Variants in COL18A1 observed in about 807,000 individuals in gnomAD.
COL18A1 encodes collagen type XVIII alpha 1 chain, also known as collagen alpha-1(XVIII) chain.
COL18A1 carries 133 observed loss-of-function variants against 168.0 expected under a neutral mutation model. That is an observed-to-expected ratio of 0.79 (90% CI 0.69 to 0.91). COL18A1 has a LOEUF of 0.91. Ranked by LOEUF, COL18A1 falls within the 40% of genes least tolerant of loss-of-function variation. COL18A1 has a pLI of 0.00. For synonymous variants in COL18A1, 949 were observed against 809.0 expected (o/e 1.17, Z -2.94); for missense variants, 2,126 against 1,925.4 (o/e 1.10, Z -1.95).
At chr21:45,488,675 G>A (rs77987727) in intron 18 of COL18A1, among the ~76,000 whole-genome samples, 9,237 of 152,100 alleles carry the variant, frequency 0.061, 358 homozygotes, top group South Asian at 0.1. Flanking sequence ...TTCTCTCTCC[G>A]AAGCCCAGGA....
intron 9 of COL18A1, among the ~76,000 whole-genome samples, chr21:45,478,981 C>T (rs2035781648): frequency 6.6e-6 from 1 of 152,244 alleles, no homozygotes; most frequent in Non-Finnish European, 1.5e-5. Context: ...CCTGGCACCC[C>T]ACAGCCAAGC....
intron 9 of COL18A1, among the ~76,000 whole-genome samples, 193 bp from the exon 10 acceptor site, chr21:45,479,709 C>A (rs893899294): frequency 6.6e-6 from 1 of 152,138 alleles, no homozygotes; most frequent in Non-Finnish European, 1.5e-5. Flanking sequence ...TTCCCCCAGG[C>A]GTGGCTGGCG....
chr21:45,474,002 G>T, intron 4 of COL18A1, 21 bp downstream of exon 4: 1 of 1,561,084 alleles, frequency 6.4e-7, no homozygotes, highest in East Asian at 2.4e-5. Flanking sequence ...TCTGGGGCAC[G>T]GGTGGGGTCT....
chr21:45,503,439 T>C (rs970055144), intron 32 of COL18A1, among the ~76,000 whole-genome samples: 1 of 152,120 alleles, frequency 6.6e-6, no homozygotes, highest in Non-Finnish European at 1.5e-5. Context: ...ATATACACCA[T>C]GGAATACTAC....
In COL18A1 at chr21:45,425,583, C is replaced by T. The variant is rs2145771024; in HGVS notation, c.106+20110C>T. On this transcript the variant is annotated intron_variant, in intron 2 of 41. Transcript: ENST00000651438. The surrounding 1 kb of genome is among the most constrained non-coding windows in gnomAD (Gnocchi z 4.1). ...GTGGGCTGCCCTGTGAGGTGTGGAG[C>T]TGGGCTGCAGACTTGCACAAGGTGG... is the stretch of plus-strand genomic sequence containing the variant. Among the ~76,000 whole-genome samples, 1 of 152,304 alleles carries T rather than the reference C, an allele frequency of 6.6e-6. No individual in the cohort carries two copies. The highest frequency in any genetic ancestry group is 1.9e-4 in the East Asian group (1 of 5,172).
intron 2 of COL18A1, chr21:45,455,788 G>T (rs765197743): frequency 1.2e-6 from 2 of 1,613,682 alleles, no homozygotes; most frequent in Non-Finnish European, 1.7e-6. Flanking sequence ...CCTCAGAGCT[G>T]CTGGAAGATG....
At chr21:45,491,132 G>T in intron 21 of COL18A1, 93 bp from the exon 22 acceptor site, 1 of 1,171,256 alleles carries the variant, frequency 8.5e-7, no homozygotes, top group Non-Finnish European at 1.3e-6. Flanking sequence ...ACCCACCGTG[G>T]GCTCTGGGCA....
At chr21:45,456,309 G>C in intron 2 of COL18A1, 2 of 1,553,168 alleles carry the variant, frequency 1.3e-6, no homozygotes, top group Non-Finnish European at 1.7e-6. Flanking sequence ...GTCCGCCTGC[G>C]CACGCCACTT....
rs1033783980 is a variant in COL18A1 at position 45,498,325 on chromosome 21, G to A, written c.2683+664G>A. 56 of 677,512 alleles carry A rather than the reference G, an allele frequency of 8.3e-5. No individual in the cohort carries two copies. The highest frequency in any genetic ancestry group is 4.3e-4 in the South Asian group (27 of 63,218). 42.0% of individuals were successfully genotyped at this position (677,512 alleles called of 1,614,324 possible). A position where few individuals can be genotyped will look rare whatever the true frequency, so the allele number is the denominator to read the frequency against. The stretch of plus-strand genomic sequence containing the variant: ...CCTCTCGCCGCCACGGTCCCCTCTC[G>A]CCGCCAGGGTCCCCTCTCACCGCCA... On this transcript the variant is annotated intron_variant, in intron 32 of 41. Coordinates refer to ENST00000651438, the MANE Select transcript of COL18A1 (RefSeq NM_001379500.1). The surrounding 1 kb of genome is among the most constrained non-coding windows in gnomAD (Gnocchi z 4.5).
chr21:45,405,388 G>T lies in COL18A1; in HGVS notation c.21G>T (p.Trp7Cys). ...TGCCTGTCCCGCGCAGGTGCCCCTG[G>T]CCATGGCCGCGGCGGCGGCGCCTCC... Reference protein sequence around the residue: MAPRCPWPWPRRRRLLD... With the variant: MAPRCPCPWPRRRRLLD... The change falls in exon 2 of 42, where the codon TGG (tryptophan) becomes TGT (cysteine). Residue 7 changes from tryptophan to cysteine, a missense_variant. Coordinates refer to ENST00000651438, the MANE Select transcript of COL18A1 (RefSeq NM_001379500.1). 7.6e-7 allele frequency: 1 copy of T among 1,312,846 alleles called. No individual in the cohort carries two copies. Among genetic ancestry groups the T allele is most frequent in the Non-Finnish European group, 9.7e-7 (1 of 1,027,004 alleles). 81.3% of individuals were successfully genotyped at this position (1,312,846 alleles called of 1,614,324 possible). A position where few individuals can be genotyped will look rare whatever the true frequency, so the allele number is the denominator to read the frequency against.
At chr21:45,455,604 T>C (rs750596734) in intron 2 of COL18A1, 2 of 1,613,946 alleles carry the variant, frequency 1.2e-6, no homozygotes, top group Admixed American at 1.7e-5. Flanking sequence ...CGGGCCAACC[T>C]GCTGAACCTG....
rs776540420 is a variant in COL18A1, at chr21:45,512,421, C to A, written c.*23C>A. ...TAGCCACCGCCTGGATGCGGATGGC[C>A]GGAGAGGACCGGCGGCTCGGAGGAA... On this transcript the variant is annotated 3_prime_UTR_variant, in exon 42 of 42. Coordinates refer to ENST00000651438, the MANE Select transcript of COL18A1 (RefSeq NM_001379500.1). 9 of 1,605,816 alleles carry A rather than the reference C, an allele frequency of 5.6e-6. No homozygotes were observed. Among genetic ancestry groups the A allele is most frequent in the East Asian group, 2.2e-5 (1 of 44,644 alleles).
At chr21:45,458,740 C>T (rs746759844) in intron 2 of COL18A1, among the ~76,000 whole-genome samples, 5 of 152,132 alleles carry the variant, frequency 3.3e-5, no homozygotes, top group Non-Finnish European at 5.9e-5. Context: ...GACAGGACAG[C>T]GGTGGGCTGG....
chr21:45,422,208 T>C (rs1424615529), intron 2 of COL18A1, among the ~76,000 whole-genome samples: 2 of 152,134 alleles, frequency 1.3e-5, no homozygotes, highest in Non-Finnish European at 2.9e-5. Context: ...ACAGGCTCAC[T>C]GTGAGGTTTA....
chr21:45,503,715 A>G (rs1211695206), intron 32 of COL18A1, among the ~76,000 whole-genome samples: 1 of 151,924 alleles, frequency 6.6e-6, no homozygotes, highest in Non-Finnish European at 1.5e-5. Flanking sequence ...GCAGCACACC[A>G]GCATGGCACA....
rs2274809 is a variant in COL18A1 at position 45,486,797 on chromosome 21, G to A, written c.1702-64G>A. The A allele has an allele frequency of 0.33, 504,062 of 1,512,642 alleles. 84,827 individuals are homozygous for A. Among genetic ancestry groups the A allele is most frequent in the African/African-American group, 0.4 (28,603 of 71,808 alleles). The allele number at this position is 1,512,642 out of a possible 1,614,324, so 93.7% of individuals were successfully genotyped here. On this transcript the variant is annotated intron_variant, in intron 15 of 41. Coordinates refer to ENST00000651438, the MANE Select transcript of COL18A1 (RefSeq NM_001379500.1). ...AAGCATCATAAGAAAACGTGTCTAC[G>A]CTGGGGTTGCAGGGCCAGCGGGGGC... is the stretch of plus-strand genomic sequence containing the variant.
At position 45,510,250 on chromosome 21, in the gene COL18A1, G is replaced by A. The variant is rs750065884; in HGVS notation, c.3682G>A (p.Val1228Ile). 2.4e-5 allele frequency: 39 copies of A among 1,604,586 alleles called. No individual in the cohort carries two copies. The highest frequency in any genetic ancestry group is 1.6e-4 in the Middle Eastern group (1 of 6,076). ...RRADRAAVPI[V>I]NLKDELLFPS... ...TGCCGACCGCGCAGCCGTGCCCATC[G>A]TCAACCTCAAGGTGGGTCAGTCCAG... The change falls in exon 40 of 42, where the codon GTC becomes ATC. Residue 1228 changes from valine to isoleucine, a missense_variant. Transcript: ENST00000651438.
At chr21:45,478,134 C>T (rs2035748038) in intron 8 of COL18A1, 169 bp downstream of exon 8, 5 of 796,592 alleles carry the variant, frequency 6.3e-6, no homozygotes, top group Admixed American at 6.2e-5. Flanking sequence ...GGTGGTCAGA[C>T]GTGGGAGGCG....
In COL18A1 at chr21:45,471,816, C is replaced by T. The variant is rs2035438965; in HGVS notation, c.652-2079C>T. ...CGTGTCGGGAAGCATTTTACATGCTCTTCCCTCACAGAATTCCTGTGAGCT... is the reference window on the plus strand; with the variant it reads ...CGTGTCGGGAAGCATTTTACATGCTTTTCCCTCACAGAATTCCTGTGAGCT... On this transcript the variant is annotated intron_variant, in intron 3 of 41. Transcript: ENST00000651438. This position sits in a 1 kb window ranked among gnomAD's most constrained non-coding sequence, Gnocchi z 4.4. 2.0e-5 allele frequency among the ~76,000 whole-genome samples: 3 copies of T among 152,180 alleles called. No individual in the cohort carries two copies. The highest frequency in any genetic ancestry group is 6.5e-5 in the Admixed American group (1 of 15,280).
Sources: gnomAD v4.1 joint callset for allele counts (sites outside exome capture counted in the v4.1 genomes callset) on GRCh38, gnomAD v4.1.1 for gene constraint, Gnocchi (gnomAD v3.1) non-coding constraint, MANE v1.5 for transcripts, NCBI Gene and HGNC (gene_info 2026-07-23, HGNC 2026-07-21) for gene names.